Variants in BABAM2 observed in about 807,000 individuals in gnomAD.
BABAM2 encodes the protein BRISC and BRCA1 A complex member 2, also known as BRISC and BRCA1-A complex member 2.
A neutral mutation model predicts 54.7 loss-of-function variants in BABAM2; 31 were observed. The ratio of observed to expected loss-of-function variants is 0.57; its 90% confidence interval spans 0.43 to 0.77. The LOEUF (loss-of-function observed/expected upper bound fraction) is 0.77, where lower values mean the gene tolerates loss of function less well. Ranked by LOEUF, BABAM2 falls within the 30% of genes least tolerant of loss-of-function variation. BABAM2 has a pLI of 0.00. For missense variants in BABAM2, 364 were observed against 455.8 expected (o/e 0.80, Z 1.83); for synonymous variants, 167 against 162.9 (o/e 1.03, Z -0.19).
chr2:27,908,614 C>T (rs955898042), intron 2 of BABAM2, among the ~76,000 whole-genome samples: 11 of 152,108 alleles, frequency 7.2e-5, no homozygotes, highest in Admixed American at 3.9e-4. Context: ...CCTTTCCTCC[C>T]CTCTCTTGGA....
At chr2:28,055,226 TA>T (rs879638269) in intron 6 of BABAM2, among the ~76,000 whole-genome samples, 1 of 152,040 alleles carries the variant, frequency 6.6e-6, no homozygotes, top group Non-Finnish European at 1.5e-5. Flanking sequence ...TATATGTGGA[TA>T]CAAAAAAGGG....
chr2:27,968,618 A>G (rs1048543762), intron 3 of BABAM2, among the ~76,000 whole-genome samples: 1 of 152,196 alleles, frequency 6.6e-6, no homozygotes, highest in African/African-American at 2.4e-5. Context: ...AGCTTGCACC[A>G]TGTGCCTAGA....
intron 6 of BABAM2, among the ~76,000 whole-genome samples, chr2:28,093,083 A>G (rs967121873): frequency 1.3e-5 from 2 of 152,144 alleles, no homozygotes; most frequent in African/African-American, 4.8e-5. Flanking sequence ...AATTTTAATC[A>G]TTATTTTTAG....
chr2:27,985,636 A>AC, intron 3 of BABAM2, among the ~76,000 whole-genome samples: 1 of 152,232 alleles, frequency 6.6e-6, no homozygotes, highest in South Asian at 2.1e-4. Flanking sequence ...CCTGTCAGAA[A>AC]CATTAAATAA....
rs75674096 is a variant in BABAM2 at position 27,983,138 on chromosome 2, G to A, written c.206-4855G>A. 5.0e-4 allele frequency among the ~76,000 whole-genome samples: 76 copies of A among 152,062 alleles called. No individual in the cohort carries two copies. The East Asian group carries it at 0.014, about 29-fold the overall frequency. ...TTTACATTCCCACCAGCACTTCCAA[G>A]GGGTTCCAATTTCTTCATGTTCTCA... On this transcript the variant is annotated intron_variant, in intron 3 of 11. Coordinates refer to ENST00000379624, the MANE Select transcript of BABAM2 (RefSeq NM_199191.3).
At chr2:28,070,073 T>C (rs1228157351) in intron 6 of BABAM2, among the ~76,000 whole-genome samples, 1 of 152,216 alleles carries the variant, frequency 6.6e-6, no homozygotes, top group Admixed American at 6.5e-5. Context: ...AAATATTTAC[T>C]AATTACTGTG....
chr2:28,112,610 A>G (rs758028173), intron 6 of BABAM2, among the ~76,000 whole-genome samples: 2 of 152,078 alleles, frequency 1.3e-5, no homozygotes, highest in African/African-American at 2.4e-5. Context: ...GCTATCATTG[A>G]TGGGCATTTG....
chr2:28,126,087 T>C (rs4666035), intron 6 of BABAM2, among the ~76,000 whole-genome samples: 151,564 of 152,270 alleles, frequency 1, 75,435 homozygotes, highest in Middle Eastern at 1. Context: ...AATTTCTGTA[T>C]GGTTTGACTT....
At chr2:28,078,372 CA>C (rs1446975209) in intron 6 of BABAM2, among the ~76,000 whole-genome samples, 2 of 151,636 alleles carry the variant, frequency 1.3e-5, no homozygotes, top group Admixed American at 6.6e-5. Context: ...GGGATGCTGG[CA>C]ATTCAGACAT....
intron 4 of BABAM2, among the ~76,000 whole-genome samples, chr2:27,999,464 G>A (rs1673416378): frequency 6.6e-6 from 1 of 152,134 alleles, no homozygotes; most frequent in African/African-American, 2.4e-5. Context: ...GTTTGCATAG[G>A]CAAATAGTAG....
At chr2:28,153,241 G>A (rs1672226842) in intron 7 of BABAM2, among the ~76,000 whole-genome samples, 1 of 152,006 alleles carries the variant, frequency 6.6e-6, no homozygotes, top group South Asian at 2.1e-4. Context: ...TTTTGCTTAT[G>A]TATTTTACTT....
At chr2:27,997,024 T>C (rs1573356448) in intron 4 of BABAM2, among the ~76,000 whole-genome samples, 1 of 152,130 alleles carries the variant, frequency 6.6e-6, no homozygotes, top group East Asian at 1.9e-4. Flanking sequence ...TACAAAAGAC[T>C]TCAGCAGATC....
At chr2:28,247,136 A>G (rs1001858566) in intron 10 of BABAM2, among the ~76,000 whole-genome samples, 2 of 152,160 alleles carry the variant, frequency 1.3e-5, no homozygotes, top group Non-Finnish European at 2.9e-5. Context: ...GGAGTTGTTT[A>G]ATTGACTTTT....
At position 28,235,239 on chromosome 2, in the gene BABAM2, G is replaced by A. The variant is rs139133732; in HGVS notation, c.681-1963G>A. Among the ~76,000 whole-genome samples the A allele has an allele frequency of 9.5e-3, 1,453 of 152,232 alleles. 20 individuals are homozygous for A. Among genetic ancestry groups the A allele is most frequent in the African/African-American group, 0.031 (1,305 of 41,562 alleles). ...CGCCCGGGCTGGAGTGCAGTGTCAC[G>A]ATCTCTGCTCACTGCAACCTCTACC... On this transcript the variant is annotated intron_variant, in intron 7 of 11. Coordinates refer to ENST00000379624, the MANE Select transcript of BABAM2 (RefSeq NM_199191.3).
rs1378076571 is a variant in BABAM2, at chr2:27,995,553, A to G, written c.300+7466A>G. ...TATCTTCCAGTTTATTATTTTTCCT[A>G]TTAAACCCATCCTCATGAGTTCTTT... On this transcript the variant is annotated intron_variant, in intron 4 of 11. Transcript: ENST00000379624. The surrounding 1 kb of genome is among the most constrained non-coding windows in gnomAD (Gnocchi z 4.1). 6.6e-6 allele frequency among the ~76,000 whole-genome samples: 1 copy of G among 151,958 alleles called. No individual in the cohort carries two copies. The highest frequency in any genetic ancestry group is 1.5e-5 in the Non-Finnish European group (1 of 67,934).
chr2:27,904,929 A>G (rs952225703), intron 2 of BABAM2, among the ~76,000 whole-genome samples: 1 of 152,238 alleles, frequency 6.6e-6, no homozygotes, highest in African/African-American at 2.4e-5. Flanking sequence ...CTAAAATAAT[A>G]GCTATATGGC....
chr2:27,990,941 T>C (rs1172205382), intron 4 of BABAM2, among the ~76,000 whole-genome samples: 1 of 152,078 alleles, frequency 6.6e-6, no homozygotes, highest in African/African-American at 2.4e-5. Context: ...ATCCATCCAA[T>C]GAGGCCACCT....
chr2:28,330,944 C>T (rs1331178365), intron 11 of BABAM2, among the ~76,000 whole-genome samples: 2 of 152,058 alleles, frequency 1.3e-5, no homozygotes, highest in African/African-American at 4.8e-5. Context: ...CTACAGTAAC[C>T]AAAACGGCAT....
chr2:28,003,457 G>T (rs78066910), intron 4 of BABAM2, among the ~76,000 whole-genome samples: 49 of 152,252 alleles, frequency 3.2e-4, no homozygotes, highest in Non-Finnish European at 5.7e-4. Flanking sequence ...CAGGCATGGT[G>T]GTGCGCACCT....
Sources: allele counts gnomAD v4.1 joint callset (sites outside exome capture counted in the v4.1 genomes callset), GRCh38; gene constraint gnomAD v4.1.1; non-coding constraint Gnocchi (gnomAD v3.1); transcripts MANE v1.5; gene names NCBI Gene and HGNC (gene_info 2026-07-23, HGNC 2026-07-21).